Variants in CD2AP observed in about 807,000 individuals in gnomAD.
CD2AP encodes the protein CD2 associated protein, also known as CD2-associated protein.
In CD2AP, 46 loss-of-function variants were observed where a neutral mutation model predicts 85.1. The ratio of observed to expected loss-of-function variants is 0.54; its 90% CI spans 0.43 to 0.69. The LOEUF (loss-of-function observed/expected upper bound fraction) is 0.69, where lower values mean the gene tolerates loss of function less well. Ranked by LOEUF, CD2AP falls within the 30% of genes least tolerant of loss-of-function variation. The pLI, the probability that CD2AP is intolerant of heterozygous loss-of-function variation, is 0.00. For missense variants in CD2AP, 769 were observed against 729.5 expected, an observed-to-expected ratio of 1.05 and a Z score of -0.62; for synonymous variants, 255 against 252.9, an observed-to-expected ratio of 1.01 and a Z score of -0.08.
intron 17 of CD2AP, among the ~76,000 whole-genome samples, chr6:47,623,943 TTAACA>T (rs1287786452): frequency 4.6e-5 from 7 of 152,148 alleles, no homozygotes; most frequent in African/African-American, 1.7e-4. Flanking sequence ...CTCACATGAC[TTAACA>T]TTTGTTCTGG....
At chr6:47,565,027 A>G (rs1767957083) in intron 5 of CD2AP, among the ~76,000 whole-genome samples, 1 of 152,046 alleles carries the variant, frequency 6.6e-6, no homozygotes, top group Middle Eastern at 3.4e-3. Flanking sequence ...TCTTGGTTTG[A>G]CCAGTTAAAC....
intron 16 of CD2AP, among the ~76,000 whole-genome samples, 199 bp from the exon 17 acceptor site, chr6:47,612,274 C>T (rs1375229128): frequency 6.6e-6 from 1 of 152,008 alleles, no homozygotes; most frequent in Non-Finnish European, 1.5e-5. Context: ...TCAGATTTGT[C>T]TTGGTTTTGC....
chr6:47,619,223 C>T (rs1387798798), intron 17 of CD2AP, among the ~76,000 whole-genome samples: 1 of 152,226 alleles, frequency 6.6e-6, no homozygotes, highest in Non-Finnish European at 1.5e-5. Context: ...CCCTCGCCCC[C>T]TTCCCACTCT....
intron 1 of CD2AP, 124 bp from the exon 2 acceptor site, chr6:47,503,156 G>A: frequency 1.1e-6 from 1 of 911,980 alleles, no homozygotes; most frequent in Non-Finnish European, 1.7e-6. Flanking sequence ...AATCAGCCTT[G>A]CTGATGTCTT....
chr6:47,505,723 G>T (rs1766136090), intron 2 of CD2AP, among the ~76,000 whole-genome samples: 1 of 74,716 alleles, frequency 1.3e-5, no homozygotes, highest in African/African-American at 4.6e-5. Flanking sequence ...GGGCTGAGGG[G>T]CTCCTCACTT....
chr6:47,559,178 T>C (rs1767777730), intron 5 of CD2AP, among the ~76,000 whole-genome samples: 1 of 152,114 alleles, frequency 6.6e-6, no homozygotes, highest in Admixed American at 6.5e-5. Context: ...ATCTCCCCTT[T>C]ATCATTTTTT....
chr6:47,500,833 G>A (rs886127283), intron 1 of CD2AP, among the ~76,000 whole-genome samples: 1 of 149,936 alleles, frequency 6.7e-6, no homozygotes, highest in Non-Finnish European at 1.5e-5. Context: ...TGCAACCTCC[G>A]CCTCCCGGAT....
At chr6:47,577,988 A>G (rs1161627425) in intron 8 of CD2AP, among the ~76,000 whole-genome samples, 1 of 152,186 alleles carries the variant, frequency 6.6e-6, no homozygotes, top group Non-Finnish European at 1.5e-5. Context: ...GTAGTAATAA[A>G]AAGGTTATTA....
chr6:47,586,811 C>T (rs1011951770), intron 11 of CD2AP, among the ~76,000 whole-genome samples: 3 of 152,094 alleles, frequency 2.0e-5, no homozygotes, highest in African/African-American at 7.2e-5. Context: ...AAAAATCTCA[C>T]AAGAACTGTT....
At chr6:47,543,020 G>A (rs1423102953) in intron 3 of CD2AP, among the ~76,000 whole-genome samples, 5 of 151,452 alleles carry the variant, frequency 3.3e-5, no homozygotes, top group Non-Finnish European at 7.4e-5. Flanking sequence ...GCGTGGTGGC[G>A]CTCACCTGTA....
chr6:47,599,497 A>G (rs77094983), intron 13 of CD2AP, 54 bp downstream of exon 13: 1 of 1,465,820 alleles, frequency 6.8e-7, no homozygotes, highest in Non-Finnish European at 9.5e-7. Context: ...TGTCAAAGAA[A>G]CTCTTTAAGA....
At position 47,623,474 on chromosome 6, in the gene CD2AP, G is replaced by A. The variant is rs1291644724; in HGVS notation, c.1879-712G>A. Among the ~76,000 whole-genome samples the A allele has an allele frequency of 3.3e-5, 5 of 152,184 alleles. No homozygotes were observed. In the South Asian group the frequency reaches 1.0e-3, roughly 32 times the overall value. ...AAGTCCTGTGTCACTTGTTAGTGTG[G>A]AACATTGGCATCCTGTTTAATGTCT... On this transcript the variant is annotated intron_variant, in intron 17 of 17. Coordinates refer to ENST00000359314, the MANE Select transcript of CD2AP (RefSeq NM_012120.3).
intron 10 of CD2AP, among the ~76,000 whole-genome samples, chr6:47,581,259 CT>C (rs1215988963): frequency 2.0e-5 from 3 of 152,090 alleles, no homozygotes; most frequent in Admixed American, 6.5e-5. Flanking sequence ...TTTATGTACT[CT>C]TCTTTTCAGG....
At chr6:47,576,710 T>C in intron 7 of CD2AP, 108 bp downstream of exon 7, 1 of 857,820 alleles carries the variant, frequency 1.2e-6, no homozygotes, top group Non-Finnish European at 1.9e-6. Context: ...GAATAGCAAA[T>C]TCTATTAGAT....
chr6:47,588,639 G>C (rs1449329512), intron 11 of CD2AP, among the ~76,000 whole-genome samples: 1 of 152,042 alleles, frequency 6.6e-6, no homozygotes, highest in African/African-American at 2.4e-5. Flanking sequence ...TCACATAATT[G>C]AAAGTCTAGA....
intron 2 of CD2AP, among the ~76,000 whole-genome samples, chr6:47,531,226 C>T (rs922246614): frequency 6.6e-6 from 1 of 152,124 alleles, no homozygotes; most frequent in Admixed American, 6.5e-5. Flanking sequence ...CCATTATTGT[C>T]TCAGTCCTTA....
At chr6:47,552,822 T>C (rs940104032) in intron 4 of CD2AP, among the ~76,000 whole-genome samples, 4 of 152,220 alleles carry the variant, frequency 2.6e-5, no homozygotes, top group African/African-American at 9.6e-5. Context: ...GGTCACTTCA[T>C]GCTTTACTGC....
In CD2AP at chr6:47,478,180, C is replaced by G. The variant is rs1765352288; in HGVS notation, c.-65C>G. 1 of 1,549,106 alleles carries G rather than the reference C, an allele frequency of 6.5e-7. No homozygotes were observed. ...GCCTCCAGCCGCGGGAGCGGCCGCG[C>G]GAGCCACCACTGGAGGAGGAGGAGG... On this transcript the variant is annotated 5_prime_UTR_variant, in exon 1 of 18. Transcript: ENST00000359314.
At chr6:47,522,138 T>C (rs936152195) in intron 2 of CD2AP, among the ~76,000 whole-genome samples, 3 of 152,146 alleles carry the variant, frequency 2.0e-5, no homozygotes, top group Admixed American at 6.5e-5. Flanking sequence ...TCCGATCACC[T>C]GAGGAGGCTG....
Sources: gnomAD v4.1 joint callset for allele counts (sites outside exome capture counted in the v4.1 genomes callset) on GRCh38, gnomAD v4.1.1 for gene constraint, MANE v1.5 for transcripts, NCBI Gene and HGNC (gene_info 2026-07-23, HGNC 2026-07-21) for gene names.